The following PHF21B variants were observed in gnomAD, a reference collection of about 807,000 sequenced individuals.
PHF21B encodes the protein PHD finger protein 21B, also known as PHD finger protein 4.
A neutral mutation model predicts 62.2 loss-of-function variants in PHF21B; 22 were observed. The ratio of observed to expected loss-of-function variants is 0.35; its 90% CI spans 0.25 to 0.51. PHF21B has a LOEUF of 0.51. Ranked by LOEUF, PHF21B falls within the 20% of genes least tolerant of loss-of-function variation. PHF21B has a pLI of 0.97. For missense variants in PHF21B, 701 were observed against 707.9 expected (o/e 0.99, Z 0.11); for synonymous variants, 341 against 314.7 (o/e 1.08, Z -0.88).
At chr22:44,964,217 G>A (rs921211053) in intron 2 of PHF21B, among the ~76,000 whole-genome samples, 2 of 152,186 alleles carry the variant, frequency 1.3e-5, no homozygotes, top group African/African-American at 4.8e-5. Flanking sequence ...AATATTCACC[G>A]AGGCCTCAAC....
intron 2 of PHF21B, among the ~76,000 whole-genome samples, chr22:44,974,407 C>T (rs1181490668): frequency 7.0e-6 from 1 of 141,870 alleles, no homozygotes; most frequent in Non-Finnish European, 1.5e-5. Flanking sequence ...GAGACCCTGT[C>T]TTAAAAAAAA....
intron 2 of PHF21B, among the ~76,000 whole-genome samples, chr22:44,954,979 G>A (rs1213136321): frequency 6.6e-6 from 1 of 152,212 alleles, no homozygotes; most frequent in East Asian, 1.9e-4. Context: ...GGACCTCGGG[G>A]TGGCAGGCGG....
chr22:45,009,019 A>C lies in PHF21B; in HGVS notation c.55-409T>G. On this transcript the variant is annotated intron_variant, in intron 1 of 12. Coordinates refer to ENST00000313237, the MANE Select transcript of PHF21B (RefSeq NM_138415.5). This position sits in a 1 kb window ranked among gnomAD's most constrained non-coding sequence, Gnocchi z 5.9. Reference sequence around the variant, plus strand: ...ATTCAAGTCGCGTCCTAATCTCCCCAACACACACACGCGCACGCCGAGCCC... The same window carrying C: ...ATTCAAGTCGCGTCCTAATCTCCCCCACACACACACGCGCACGCCGAGCCC... 4 of 1,123,988 alleles carry C rather than the reference A, an allele frequency of 3.6e-6. No homozygotes were observed. Among genetic ancestry groups the C allele is most frequent in the Non-Finnish European group, 4.4e-6 (4 of 919,506 alleles). The allele number at this position is 1,123,988 out of a possible 1,614,324, so 69.6% of individuals were successfully genotyped here.
At chr22:44,998,293 C>T (rs761797340) in intron 2 of PHF21B, among the ~76,000 whole-genome samples, 27 of 152,224 alleles carry the variant, frequency 1.8e-4, no homozygotes, top group Non-Finnish European at 3.2e-4. Context: ...CCATGCAGGA[C>T]GCAGCAACTC....
intron 2 of PHF21B, among the ~76,000 whole-genome samples, chr22:45,005,640 T>A (rs1373779108): frequency 6.6e-6 from 1 of 152,210 alleles, no homozygotes; most frequent in African/African-American, 2.4e-5. Context: ...AAGACAGGAT[T>A]CCGCTGCTGG....
At chr22:44,950,985 C>T (rs375301491) in intron 2 of PHF21B, among the ~76,000 whole-genome samples, 4 of 152,140 alleles carry the variant, frequency 2.6e-5, no homozygotes, top group East Asian at 3.9e-4. Context: ...GCGGGCCACA[C>T]GCAGCCTAAA....
chr22:44,897,099 G>T (rs970872383), intron 5 of PHF21B, among the ~76,000 whole-genome samples: 4 of 151,958 alleles, frequency 2.6e-5, no homozygotes, highest in Non-Finnish European at 5.9e-5. Flanking sequence ...GGCTGGTCTT[G>T]AACTCCTGGG....
intron 1 of PHF21B, 147 bp from the exon 2 acceptor site, chr22:45,008,757 G>C (rs941936528): frequency 7.0e-6 from 8 of 1,148,252 alleles, no homozygotes; most frequent in Non-Finnish European, 8.6e-6. Context: ...CGTCCTGCAC[G>C]CGCGGCGGCC....
At chr22:44,943,083 C>T (rs977880846) in intron 2 of PHF21B, among the ~76,000 whole-genome samples, 2 of 151,664 alleles carry the variant, frequency 1.3e-5, no homozygotes, top group African/African-American at 2.4e-5. Flanking sequence ...TGCTCAGCAC[C>T]GCCTCTGCCC....
chr22:44,888,035 G>C lies in PHF21B; in HGVS notation c.1125C>G (p.His375Gln). 1 of 1,561,506 alleles carries C rather than the reference G, an allele frequency of 6.4e-7. No individual in the cohort carries two copies. The highest frequency in any genetic ancestry group is 1.2e-5 in the South Asian group (1 of 84,734). Residue 375 changes from histidine to glutamine, a missense_variant, in exon 10 of 13, where the codon CAC (histidine) becomes CAG (glutamine). Transcript: ENST00000313237. ...TGAGGGGCGGCTCCAGGCAGCTGAGGTGGTAGGCCCCCGGGCAGGTGCCGC... is the reference window on the plus strand; with the variant it reads ...TGAGGGGCGGCTCCAGGCAGCTGAGCTGGTAGGCCCCCGGGCAGGTGCCGC... ...QPCGTCPGAYHLSCLEPPLKT... is the reference protein window; with the variant it reads ...QPCGTCPGAYQLSCLEPPLKT...
chr22:45,000,223 AG>A (rs1431984371), intron 2 of PHF21B, among the ~76,000 whole-genome samples: 2 of 152,048 alleles, frequency 1.3e-5, no homozygotes, highest in Non-Finnish European at 2.9e-5. Context: ...AGTACTCGGG[AG>A]GGAAATCGGG....
chr22:44,937,637 C>T lies in PHF21B; in HGVS notation c.121-17147G>A, dbSNP rs144680005. 3.6e-3 allele frequency among the ~76,000 whole-genome samples: 550 copies of T among 152,352 alleles called. 2 individuals are homozygous for T. The highest frequency in any genetic ancestry group is 6.5e-3 in the Non-Finnish European group (439 of 68,038). On this transcript the variant is annotated intron_variant, in intron 2 of 12. Coordinates refer to ENST00000313237, the MANE Select transcript of PHF21B (RefSeq NM_138415.5). Reference sequence around the variant, plus strand: ...CCAAAACATCATGTGCATGAAAATTCGGAGCAGCTTTATTCATAATCTCTT... The same window carrying T: ...CCAAAACATCATGTGCATGAAAATTTGGAGCAGCTTTATTCATAATCTCTT...
intron 2 of PHF21B, among the ~76,000 whole-genome samples, chr22:44,937,737 T>C (rs1181579664): frequency 6.6e-6 from 1 of 152,228 alleles, no homozygotes; most frequent in South Asian, 2.1e-4. Flanking sequence ...CGCCACGGGA[T>C]GCCACTGAGA....
chr22:44,916,653 T>C (rs2071440947), intron 3 of PHF21B, 23 bp from the exon 4 acceptor site: 2 of 1,594,104 alleles, frequency 1.3e-6, no homozygotes, highest in Non-Finnish European at 1.7e-6. Flanking sequence ...GACAGGTATG[T>C]GGTCAGACAG....
At position 44,888,119 on chromosome 22, in the gene PHF21B, G is replaced by A. The variant is rs558380858; in HGVS notation, c.1041C>T (p.Asn347=). Reference sequence around the variant, plus strand: ...CACAGTGCTCATCGTGGGTGATCTCGTTCTGGAAGAGAAGGGAGGGCAGGA... The same window carrying A: ...CACAGTGCTCATCGTGGGTGATCTCATTCTGGAAGAGAAGGGAGGGCAGGA... ...ARANEDPCWK[N]EITHDEHCAA... Residue 347 remains asparagine, a splice_region_variant and synonymous_variant, in exon 10 of 13, where the codon AAC becomes AAT. Coordinates refer to ENST00000313237, the MANE Select transcript of PHF21B (RefSeq NM_138415.5). The A allele has an allele frequency of 1.1e-5, 16 of 1,523,320 alleles. No homozygotes were observed. The highest frequency in any genetic ancestry group is 1.4e-5 in the African/African-American group (1 of 72,150). 94.4% of individuals were successfully genotyped at this position (1,523,320 alleles called of 1,614,324 possible).
intron 2 of PHF21B, among the ~76,000 whole-genome samples, chr22:44,968,736 T>G (rs1197698594): frequency 6.6e-6 from 1 of 152,116 alleles, no homozygotes; most frequent in Non-Finnish European, 1.5e-5. Context: ...ACTTATCCAC[T>G]GAGCCTCGCT....
intron 2 of PHF21B, among the ~76,000 whole-genome samples, chr22:44,977,233 C>T (rs909099860): frequency 4.0e-5 from 6 of 151,436 alleles, no homozygotes; most frequent in Non-Finnish European, 8.8e-5. Flanking sequence ...CATTCCCAGA[C>T]TTTTTTTTTA....
At chr22:44,987,870 C>G (rs1429536992) in intron 2 of PHF21B, among the ~76,000 whole-genome samples, 2 of 152,036 alleles carry the variant, frequency 1.3e-5, no homozygotes, top group East Asian at 3.9e-4. Context: ...AAGGTCTCCC[C>G]CAGCAGGTGG....
At chr22:44,884,830 C>T (rs1324263141) in intron 12 of PHF21B, among the ~76,000 whole-genome samples, 6 of 151,986 alleles carry the variant, frequency 3.9e-5, no homozygotes, top group Non-Finnish European at 8.8e-5. Context: ...CCATCATCAC[C>T]ACCACCACCA....
Sources: gnomAD v4.1 joint callset for allele counts (sites outside exome capture counted in the v4.1 genomes callset) on GRCh38, gnomAD v4.1.1 for gene constraint, Gnocchi (gnomAD v3.1) non-coding constraint, MANE v1.5 for transcripts, NCBI Gene and HGNC (gene_info 2026-07-23, HGNC 2026-07-21) for gene names.